The following DAB1 variants were observed in gnomAD, a reference collection of about 807,000 sequenced individuals.
DAB1 encodes disabled homolog 1.
A neutral mutation model predicts 64.6 loss-of-function variants in DAB1; 15 were observed. That is an observed-to-expected ratio of 0.23 (90% confidence interval 0.16 to 0.36). The LOEUF (loss-of-function observed/expected upper bound fraction) is 0.36. DAB1 is among the 10% of genes least tolerant of loss of function. The probability of loss-of-function intolerance (pLI) is 1.00; values close to 1 mark genes in which losing one functional copy is unlikely to be tolerated. For missense variants in DAB1, 596 were observed against 706.7 expected, an observed-to-expected ratio of 0.84 and a Z score of 1.78; for synonymous variants, 235 against 251.9, an observed-to-expected ratio of 0.93 and a Z score of 0.64.
intron 2 of DAB1, among the ~76,000 whole-genome samples, chr1:57,200,013 C>A (rs1368412667): frequency 6.6e-6 from 1 of 152,176 alleles, no homozygotes; most frequent in Non-Finnish European, 1.5e-5. Context: ...ATGTCATGGC[C>A]TCAGAGAACT....
intron 4 of DAB1, among the ~76,000 whole-genome samples, chr1:58,243,222 G>T (rs558752447): frequency 6.6e-6 from 1 of 151,240 alleles, no homozygotes; most frequent in South Asian, 2.1e-4. Flanking sequence ...AAAGATCTAA[G>T]CTCAAGCTTC....
intron 4 of DAB1, among the ~76,000 whole-genome samples, chr1:58,270,390 T>C (rs1661286625): frequency 7.7e-6 from 1 of 129,602 alleles, no homozygotes; most frequent in African/African-American, 3.1e-5. Context: ...ATATCTCTGT[T>C]TTGGTACCAG....
chr1:57,952,466 C>A (rs1645299937), intron 5 of DAB1, among the ~76,000 whole-genome samples: 1 of 152,134 alleles, frequency 6.6e-6, no homozygotes. Context: ...CTTCACTAAT[C>A]ATATCCTGAG....
chr1:57,835,653 G>A (rs549540338), intron 1 of DAB1, among the ~76,000 whole-genome samples: 1 of 152,272 alleles, frequency 6.6e-6, no homozygotes, highest in East Asian at 1.9e-4. Context: ...CACTTCCCCA[G>A]CTACAGCCTG....
intron 2 of DAB1, among the ~76,000 whole-genome samples, chr1:57,193,447 C>T (rs1450480165): frequency 2.4e-5 from 3 of 126,380 alleles, no homozygotes; most frequent in East Asian, 2.4e-4. Flanking sequence ...AGTGCAGTGG[C>T]GCGATCTCGG....
intron 4 of DAB1, among the ~76,000 whole-genome samples, chr1:58,199,540 T>A (rs909469169): frequency 6.6e-6 from 1 of 152,164 alleles, no homozygotes; most frequent in East Asian, 1.9e-4. Flanking sequence ...GTTCTGAGGA[T>A]TAAAGTAGTT....
chr1:57,689,885 C>T (rs1357753909), intron 6 of DAB1, among the ~76,000 whole-genome samples: 4 of 152,004 alleles, frequency 2.6e-5, no homozygotes, highest in African/African-American at 9.7e-5. Context: ...ATTAACTATC[C>T]CTGTCTCTCC....
chr1:57,787,568 G>A (rs890891154), intron 6 of DAB1, among the ~76,000 whole-genome samples: 2 of 151,896 alleles, frequency 1.3e-5, no homozygotes, highest in African/African-American at 4.8e-5. Context: ...CTTCTAGAAA[G>A]AAACATAGGA....
chr1:57,083,467 G>C (rs1272250730), intron 4 of DAB1, among the ~76,000 whole-genome samples: 2 of 152,146 alleles, frequency 1.3e-5, no homozygotes, highest in East Asian at 3.8e-4. Flanking sequence ...AATTATTATA[G>C]AAAGCAGGTA....
chr1:58,470,635 A>G (rs1029812606), intron 3 of DAB1, among the ~76,000 whole-genome samples: 1 of 152,164 alleles, frequency 6.6e-6, no homozygotes, highest in African/African-American at 2.4e-5. Context: ...CGAAGACTGC[A>G]GTTTCTTTTT....
intron 9 of DAB1, among the ~76,000 whole-genome samples, chr1:57,052,704 A>T (rs3768200): frequency 0.35 from 52,559 of 151,936 alleles, 9,877 homozygotes; most frequent in Middle Eastern, 0.46. Flanking sequence ...TGACAAATGG[A>T]ATTGGAGAGT....
chr1:58,290,566 A>C (rs1017408131), intron 4 of DAB1, among the ~76,000 whole-genome samples: 40 of 152,258 alleles, frequency 2.6e-4, no homozygotes, highest in African/African-American at 8.9e-4. Context: ...GTAAAAAAAA[A>C]TTGGTATTTC....
intron 1 of DAB1, among the ~76,000 whole-genome samples, chr1:57,862,038 T>G (rs946926701): frequency 2.0e-5 from 3 of 152,112 alleles, no homozygotes; most frequent in Non-Finnish European, 4.4e-5. Context: ...TTGACTACAA[T>G]GGAAAATAAT....
chr1:57,482,816 A>G (rs1332475436), intron 7 of DAB1, among the ~76,000 whole-genome samples: 2 of 152,200 alleles, frequency 1.3e-5, no homozygotes, highest in African/African-American at 2.4e-5. Flanking sequence ...TCCCCATTTT[A>G]TAGATAAAGA....
At chr1:57,658,936 G>A (rs1173126374) in intron 6 of DAB1, among the ~76,000 whole-genome samples, 8 of 152,158 alleles carry the variant, frequency 5.3e-5, no homozygotes, top group Non-Finnish European at 1.0e-4. Flanking sequence ...TCTATGCAGA[G>A]TTTTCCCCAT....
At chr1:58,237,747 G>A (rs965068159) in intron 4 of DAB1, among the ~76,000 whole-genome samples, 1 of 151,982 alleles carries the variant, frequency 6.6e-6, no homozygotes, top group South Asian at 2.1e-4. Flanking sequence ...GCAGCCACTG[G>A]TGGCTTCAGC....
intron 7 of DAB1, among the ~76,000 whole-genome samples, chr1:57,560,291 C>A (rs1422741669): frequency 6.6e-6 from 1 of 152,178 alleles, no homozygotes; most frequent in African/African-American, 2.4e-5. Flanking sequence ...TCACACTGGT[C>A]CATTACATTG....
intron 2 of DAB1, among the ~76,000 whole-genome samples, chr1:57,286,874 C>T (rs1470093000): frequency 6.6e-6 from 1 of 152,018 alleles, no homozygotes; most frequent in African/African-American, 2.4e-5. Context: ...GCATTACAAC[C>T]AAGTAAGATT....
intron 4 of DAB1, among the ~76,000 whole-genome samples, chr1:58,316,086 G>C (rs1173126773): frequency 6.6e-6 from 1 of 152,196 alleles, no homozygotes; most frequent in African/African-American, 2.4e-5. Flanking sequence ...TCTCTGAGAG[G>C]CAAATGCCTT....
Sources: gnomAD v4.1 joint callset for allele counts (sites outside exome capture counted in the v4.1 genomes callset) on GRCh38, gnomAD v4.1.1 for gene constraint, MANE v1.5 for transcripts, NCBI Gene and HGNC (gene_info 2026-07-23, HGNC 2026-07-21) for gene names.